TSPAN5: variants seen among roughly 807,000 people sequenced by gnomAD.
The protein encoded by TSPAN5 is tetraspanin 5.
Under a neutral mutation model 37.1 loss-of-function variants are expected in TSPAN5, and 10 were observed. That is an observed-to-expected ratio of 0.27 (90% CI 0.17 to 0.46). The LOEUF (loss-of-function observed/expected upper bound fraction) is 0.46, where lower values mean the gene tolerates loss of function less well. Ranked by LOEUF, TSPAN5 falls within the 20% of genes least tolerant of loss-of-function variation. The pLI, the probability that TSPAN5 is intolerant of heterozygous loss-of-function variation, is 1.00. For missense variants in TSPAN5, 195 were observed against 326.6 expected (o/e 0.60, Z 3.11); for synonymous variants, 110 against 118.9 (o/e 0.93, Z 0.48).
At chr4:98,650,751 G>A (rs1249184147) in intron 1 of TSPAN5, among the ~76,000 whole-genome samples, 2 of 152,186 alleles carry the variant, frequency 1.3e-5, no homozygotes, top group Admixed American at 6.5e-5. Context: ...GCTCCTTGGA[G>A]AAATGTCTGA....
chr4:98,653,363 C>T (rs1757230914), intron 1 of TSPAN5, among the ~76,000 whole-genome samples: 1 of 151,896 alleles, frequency 6.6e-6, no homozygotes, highest in African/African-American at 2.4e-5. Flanking sequence ...TAAACTTGCA[C>T]TTAAAGACAC....
intron 2 of TSPAN5, among the ~76,000 whole-genome samples, chr4:98,487,664 T>C (rs1027651612): frequency 1.6e-4 from 24 of 152,308 alleles, no homozygotes; most frequent in Admixed American, 3.3e-4. Context: ...TGGTTTGCTC[T>C]GGTGGCTGTT....
Position 98,658,346 on chromosome 4 carries a change from T to C in TSPAN5, c.-120A>G, listed in dbSNP as rs2110299988. 1 of 810,974 alleles carries C rather than the reference T, an allele frequency of 1.2e-6. No individual in the cohort carries two copies. The highest frequency in any genetic ancestry group is 2.0e-6 in the Non-Finnish European group (1 of 490,120). 50.2% of individuals were successfully genotyped at this position (810,974 alleles called of 1,614,324 possible). On this transcript the variant is annotated 5_prime_UTR_variant, in exon 1 of 8. Transcript: ENST00000305798. ...GGGACACCGCACGGGGCCGCGGCGC[T>C]GGCGGCCTGGGCTCAGCCGCGCGGG...
intron 1 of TSPAN5, among the ~76,000 whole-genome samples, chr4:98,538,057 C>T (rs545009769): frequency 6.6e-6 from 1 of 152,354 alleles, no homozygotes; most frequent in South Asian, 2.1e-4. Context: ...TGGATGGTGT[C>T]ACTACTGGGC....
At chr4:98,591,789 T>C (rs981036870) in intron 1 of TSPAN5, among the ~76,000 whole-genome samples, 3 of 151,482 alleles carry the variant, frequency 2.0e-5, no homozygotes, top group African/African-American at 7.3e-5. Context: ...TACGTTCCCA[T>C]TAGTCATCAT....
At chr4:98,645,853 T>G (rs1383283294) in intron 1 of TSPAN5, among the ~76,000 whole-genome samples, 1 of 152,218 alleles carries the variant, frequency 6.6e-6, no homozygotes, top group African/African-American at 2.4e-5. Context: ...CTGTTCCTGT[T>G]GTGCTACATA....
chr4:98,497,269 A>T (rs60423217), intron 2 of TSPAN5, among the ~76,000 whole-genome samples: 1,786 of 149,966 alleles, frequency 0.012, 35 homozygotes, highest in African/African-American at 0.042. Context: ...GTGAGCCGAG[A>T]TCGTGCCACT....
At chr4:98,551,308 A>G (rs746574776) in intron 1 of TSPAN5, among the ~76,000 whole-genome samples, 2 of 150,434 alleles carry the variant, frequency 1.3e-5, no homozygotes, top group Non-Finnish European at 3.0e-5. Flanking sequence ...TTTTACATAT[A>G]TTTTCATCAG....
At position 98,571,292 on chromosome 4, in the gene TSPAN5, G is replaced by A. The variant is rs560132431; in HGVS notation, c.82-63564C>T. Among the ~76,000 whole-genome samples, 22 of 152,186 alleles carry A rather than the reference G, an allele frequency of 1.4e-4. No homozygotes were observed. The East Asian group carries it at 3.1e-3, about 22-fold the overall frequency. ...CTGAAGTCCGTGGCCACTCATGGAG[G>A]GCAGGCTGCACGGGGGAGCGCAGAA... On this transcript the variant is annotated intron_variant, in intron 1 of 7. Coordinates refer to ENST00000305798, the MANE Select transcript of TSPAN5 (RefSeq NM_005723.4).
chr4:98,518,042 C>T (rs1363201183), intron 1 of TSPAN5, among the ~76,000 whole-genome samples: 4 of 151,300 alleles, frequency 2.6e-5, no homozygotes, highest in African/African-American at 4.9e-5. Flanking sequence ...ATGGTAGCTT[C>T]GAAAGTTTAA....
chr4:98,644,911 T>C (rs1579052496), intron 1 of TSPAN5, among the ~76,000 whole-genome samples: 1 of 152,218 alleles, frequency 6.6e-6, no homozygotes, highest in African/African-American at 2.4e-5. Flanking sequence ...ACATGGAGTA[T>C]GCAAACATTT....
chr4:98,645,838 C>T (rs963204998), intron 1 of TSPAN5, among the ~76,000 whole-genome samples: 9 of 152,146 alleles, frequency 5.9e-5, no homozygotes, highest in Non-Finnish European at 1.0e-4. Context: ...ACTTTAAATA[C>T]GCTTCTGTTC....
chr4:98,529,130 C>T (rs1009686101), intron 1 of TSPAN5, among the ~76,000 whole-genome samples: 2 of 152,162 alleles, frequency 1.3e-5, no homozygotes, highest in African/African-American at 2.4e-5. Flanking sequence ...CCACATGGCC[C>T]CATCCACCCA....
intron 1 of TSPAN5, among the ~76,000 whole-genome samples, chr4:98,527,556 T>G (rs1753987537): frequency 6.6e-6 from 1 of 152,204 alleles, no homozygotes; most frequent in South Asian, 2.1e-4. Context: ...AAAAATGCTT[T>G]GAAGAAAATA....
chr4:98,536,597 T>C (rs1419642955), intron 1 of TSPAN5, among the ~76,000 whole-genome samples: 2 of 152,214 alleles, frequency 1.3e-5, no homozygotes, highest in African/African-American at 2.4e-5. Flanking sequence ...GCTGCGCCCA[T>C]AGCCACCCCT....
intron 1 of TSPAN5, among the ~76,000 whole-genome samples, chr4:98,610,933 G>A: frequency 6.6e-6 from 1 of 152,072 alleles, no homozygotes; most frequent in East Asian, 1.9e-4. Context: ...TATTTCCTAG[G>A]CTCCCTGGGA....
intron 2 of TSPAN5, among the ~76,000 whole-genome samples, chr4:98,497,989 C>T (rs1753254384): frequency 6.6e-6 from 1 of 152,180 alleles, no homozygotes; most frequent in Non-Finnish European, 1.5e-5. Flanking sequence ...AGCTCCAGGC[C>T]ATTTCTGAAT....
chr4:98,625,675 G>A (rs569114590), intron 1 of TSPAN5, among the ~76,000 whole-genome samples: 9 of 152,194 alleles, frequency 5.9e-5, no homozygotes, highest in African/African-American at 1.2e-4. Context: ...GGCTTCATCC[G>A]ACCTACTCCC....
At chr4:98,583,672 C>G (rs1387859905) in intron 1 of TSPAN5, among the ~76,000 whole-genome samples, 1 of 152,230 alleles carries the variant, frequency 6.6e-6, no homozygotes, top group Non-Finnish European at 1.5e-5. Flanking sequence ...CTAACTCCTG[C>G]TCATCACTTC....
Sources: gnomAD v4.1 joint callset for allele counts (sites outside exome capture counted in the v4.1 genomes callset) on GRCh38, gnomAD v4.1.1 for gene constraint, MANE v1.5 for transcripts, NCBI Gene and HGNC (gene_info 2026-07-23, HGNC 2026-07-21) for gene names.